MICAL3: variants seen among roughly 807,000 people sequenced by gnomAD.
The protein encoded by MICAL3 is microtubule associated monooxygenase, calponin and LIM domain containing 3, also known as [F-actin]-monooxygenase MICAL3.
Under a neutral mutation model 207.4 loss-of-function variants are expected in MICAL3, and 62 were observed. The ratio of observed to expected loss-of-function variants is 0.30; its 90% CI spans 0.24 to 0.37. The LOEUF (loss-of-function observed/expected upper bound fraction) is 0.37, where lower values mean the gene tolerates loss of function less well. MICAL3 is among the 10% of genes least tolerant of loss of function. The pLI is 1.00. For missense variants in MICAL3, 2,368 were observed against 2,635.6 expected (o/e 0.90, Z 2.22); for synonymous variants, 1,077 against 1,069.3 (o/e 1.01, Z -0.14).
At chr22:17,929,243 T>A (rs1602236850) in intron 1 of MICAL3, among the ~76,000 whole-genome samples, 1 of 148,610 alleles carries the variant, frequency 6.7e-6, no homozygotes, top group Admixed American at 6.7e-5. Flanking sequence ...GAACTACAGA[T>A]GTGCACCACC....
intron 19 of MICAL3, chr22:17,864,036 T>C (rs571199453): frequency 1.4e-5 from 14 of 986,020 alleles, no homozygotes; most frequent in South Asian, 4.7e-5. Flanking sequence ...ATGTGGGACA[T>C]TCAGAACACC....
At chr22:17,795,689 G>T (rs1026311233) in intron 29 of MICAL3, among the ~76,000 whole-genome samples, 1 of 152,254 alleles carries the variant, frequency 6.6e-6, no homozygotes, top group Non-Finnish European at 1.5e-5. Flanking sequence ...GCAGAAGCGC[G>T]TGTGAGCGGC....
chr22:17,853,739 G>A (rs1925584381), intron 19 of MICAL3, among the ~76,000 whole-genome samples: 1 of 152,204 alleles, frequency 6.6e-6, no homozygotes, highest in Non-Finnish European at 1.5e-5. Context: ...CAAGATCTGT[G>A]CTGGTTCCAT....
Position 18,011,785 on chromosome 22 carries a change from G to A in MICAL3, c.-75+12496C>T, listed in dbSNP as rs1045941565. Reference sequence around the variant, plus strand: ...TGGGTGCCTCTAGTCCCAGCTACTTGGGAGGCTGAGGCAGGAGAATGGCGT... The same window carrying A: ...TGGGTGCCTCTAGTCCCAGCTACTTAGGAGGCTGAGGCAGGAGAATGGCGT... On this transcript the variant is annotated intron_variant, in intron 1 of 31. Transcript: ENST00000441493. 1.0e-4 allele frequency among the ~76,000 whole-genome samples: 15 copies of A among 150,510 alleles called. No homozygotes were observed. In the East Asian group the frequency reaches 2.7e-3, roughly 27 times the overall value.
At chr22:17,912,030 CGTAA>C in intron 1 of MICAL3, among the ~76,000 whole-genome samples, 1 of 151,878 alleles carries the variant, frequency 6.6e-6, no homozygotes, top group Non-Finnish European at 1.5e-5. Flanking sequence ...ATAATTTGAC[CGTAA>C]GTGAGGTGCA....
chr22:17,992,190 G>A (rs552924528), intron 1 of MICAL3, among the ~76,000 whole-genome samples: 10 of 152,326 alleles, frequency 6.6e-5, no homozygotes, highest in African/African-American at 2.4e-4. Context: ...ACGGGCCCAA[G>A]GGCAGCCTGC....
intron 19 of MICAL3, among the ~76,000 whole-genome samples, chr22:17,853,549 T>C (rs1213456971): frequency 1.3e-5 from 2 of 152,260 alleles, no homozygotes; most frequent in Admixed American, 1.3e-4. Flanking sequence ...TGCTTTTAAA[T>C]AAACAAGTTT....
At position 17,886,034 on chromosome 22, in the gene MICAL3, G is replaced by A. The variant is rs948569253; in HGVS notation, c.2085C>T (p.Gly695=). 1 of 1,613,798 alleles carries A rather than the reference G, an allele frequency of 6.2e-7. No homozygotes were observed. The highest frequency in any genetic ancestry group is 1.3e-5 in the African/African-American group (1 of 74,932). ...SQSEEEEAPR[G]HRGERPTLVS... ...CCAGGGTCGGTCTTTCTCCTCTGTGGCCCCGAGGAGCTTCCTCCTGGTCAA... is the reference window on the plus strand; with the variant it reads ...CCAGGGTCGGTCTTTCTCCTCTGTGACCCCGAGGAGCTTCCTCCTGGTCAA... Residue 695 remains glycine, a synonymous_variant, in exon 16 of 32, where the codon GGC becomes GGT. Coordinates refer to ENST00000441493, the MANE Select transcript of MICAL3 (RefSeq NM_015241.3).
chr22:17,958,696 G>T (rs971078054), intron 1 of MICAL3, among the ~76,000 whole-genome samples: 4 of 126,350 alleles, frequency 3.2e-5, no homozygotes, highest in African/African-American at 1.6e-4. Context: ...TGAGTTGTTG[G>T]GTTTTTTTAT....
chr22:17,974,287 G>A (rs1370696465), intron 1 of MICAL3, among the ~76,000 whole-genome samples: 1 of 152,228 alleles, frequency 6.6e-6, no homozygotes, highest in Non-Finnish European at 1.5e-5. Flanking sequence ...GCTGTGAGAA[G>A]TAAGTGATGG....
chr22:17,920,329 G>A, intron 1 of MICAL3, among the ~76,000 whole-genome samples: 1 of 152,174 alleles, frequency 6.6e-6, no homozygotes, highest in East Asian at 1.9e-4. Context: ...CCTCCAGCCT[G>A]ACGCTGTGTC....
chr22:17,795,201 C>T (rs559631805), intron 29 of MICAL3, among the ~76,000 whole-genome samples: 7 of 152,208 alleles, frequency 4.6e-5, no homozygotes, highest in Middle Eastern at 3.2e-3. Context: ...CACAGCCGGC[C>T]GAATGCATGG....
chr22:17,876,317 C>G (rs897370185), intron 16 of MICAL3: 5 of 152,216 alleles, frequency 3.3e-5, no homozygotes, highest in Non-Finnish European at 7.3e-5. Context: ...TCAGAATGAA[C>G]TATTTACAGG....
intron 1 of MICAL3, among the ~76,000 whole-genome samples, chr22:17,923,023 C>G (rs1474516552): frequency 6.6e-6 from 1 of 152,198 alleles, no homozygotes; most frequent in Non-Finnish European, 1.5e-5. Flanking sequence ...ACCTCTCCCT[C>G]TGCTGATTCC....
chr22:17,981,377 T>C (rs1188547046), intron 1 of MICAL3, among the ~76,000 whole-genome samples: 1 of 151,828 alleles, frequency 6.6e-6, no homozygotes, highest in East Asian at 1.9e-4. Context: ...AAGATAAAGA[T>C]CAATCATGAT....
intron 1 of MICAL3, among the ~76,000 whole-genome samples, chr22:17,988,184 C>A (rs1367116828): frequency 6.6e-6 from 1 of 152,192 alleles, no homozygotes; most frequent in African/African-American, 2.4e-5. Flanking sequence ...GAAAACAAGG[C>A]CAGCTTTACC....
At chr22:17,961,547 C>T (rs770066185) in intron 1 of MICAL3, among the ~76,000 whole-genome samples, 19 of 152,114 alleles carry the variant, frequency 1.2e-4, no homozygotes, top group Non-Finnish European at 2.2e-4. Context: ...AGTCTCACAC[C>T]CATGGGATCT....
At chr22:17,822,280 G>A (rs1006698732) in intron 23 of MICAL3, 110 bp from the exon 24 acceptor site, 17 of 1,365,166 alleles carry the variant, frequency 1.2e-5, no homozygotes, top group Non-Finnish European at 1.7e-5. Flanking sequence ...CTGCTCAGGT[G>A]CAGGCCTGGA....
At chr22:17,906,158 C>A (rs1931701275) in intron 2 of MICAL3, among the ~76,000 whole-genome samples, 1 of 152,198 alleles carries the variant, frequency 6.6e-6, no homozygotes, top group Non-Finnish European at 1.5e-5. Flanking sequence ...TAAAAGGTTC[C>A]CATGCCACTT....
Sources: allele counts gnomAD v4.1 joint callset (sites outside exome capture counted in the v4.1 genomes callset), GRCh38; gene constraint gnomAD v4.1.1; transcripts MANE v1.5; gene names NCBI Gene and HGNC (gene_info 2026-07-23, HGNC 2026-07-21).